The following KLF13 variants were observed in gnomAD, a reference collection of about 807,000 sequenced individuals.
KLF13 encodes the protein Krueppel-like factor 13.
In KLF13, 8 loss-of-function variants were observed where a neutral mutation model predicts 16.7. The ratio of observed to expected loss-of-function variants is 0.48; its 90% CI spans 0.28 to 0.87. KLF13 has a LOEUF of 0.87. Ranked by LOEUF, KLF13 falls within the 40% of genes least tolerant of loss-of-function variation. KLF13 has a pLI of 0.10. For synonymous variants in KLF13, 245 were observed against 208.4 expected (o/e 1.18, Z -1.51); for missense variants, 447 against 452.2 (o/e 0.99, Z 0.10).
At chr15:31,428,820 A>AGAAAAAAG (rs563630549) in intron 1 of KLF13, among the ~76,000 whole-genome samples, 2 of 72,650 alleles carry the variant, frequency 2.8e-5, no homozygotes, top group Admixed American at 2.1e-4. Context: ...AAAAAAAAAA[A>AGAAAAAAG]AAAAAGAAAA....
intron 1 of KLF13, among the ~76,000 whole-genome samples, chr15:31,385,038 C>T (rs776931520): frequency 1.9e-4 from 29 of 152,108 alleles, no homozygotes; most frequent in Admixed American, 4.6e-4. Context: ...TGGGATTGAT[C>T]CCTTCACAAG....
intron 1 of KLF13, among the ~76,000 whole-genome samples, chr15:31,410,610 CACACACACACACA>C (rs2040181547): frequency 2.0e-5 from 3 of 150,140 alleles, no homozygotes; most frequent in Non-Finnish European, 4.5e-5. Context: ...CACACACACA[CACACACACACACA>C]CACCCCTATA....
At chr15:31,370,192 C>G (rs926014936) in intron 1 of KLF13, among the ~76,000 whole-genome samples, 1 of 151,486 alleles carries the variant, frequency 6.6e-6, no homozygotes. Context: ...TTGAATCCCC[C>G]CAACACCCTT....
At position 31,327,506 on chromosome 15, in the gene KLF13, G is replaced by A. The variant is rs1337619979; in HGVS notation, c.294G>A (p.Leu98=). Reference sequence around the variant, plus strand: ...GGAAGGCGAGGACCCCCTGCCGCCTGCCGCCGCCCGCCCCCGAGCCCACCT... The same window carrying A: ...GGAAGGCGAGGACCCCCTGCCGCCTACCGCCGCCCGCCCCCGAGCCCACCT... ...AARKARTPCR[L]PPPAPEPTSP... The change falls in exon 1 of 2, where the codon CTG becomes CTA. Residue 98 remains leucine (L), a synonymous_variant. Transcript: ENST00000307145. 64 of 1,138,468 alleles carry A rather than the reference G, an allele frequency of 5.6e-5. No homozygotes were observed. The highest frequency in any genetic ancestry group is 2.9e-4 in the Admixed American group (6 of 20,430). The allele number at this position is 1,138,468 out of a possible 1,614,324, so 70.5% of individuals were successfully genotyped here. A position where few individuals can be genotyped will look rare whatever the true frequency, so the allele number is the denominator to read the frequency against.
At position 31,412,730 on chromosome 15, in the gene KLF13, A is replaced by G. The variant is rs527260226; in HGVS notation, n.117+19039A>G. Among the ~76,000 whole-genome samples the G allele has an allele frequency of 9.2e-5, 14 of 152,346 alleles. No individual in the cohort carries two copies. The East Asian group carries it at 2.1e-3, about 23-fold the overall frequency. ...TTTTGCCCGATTGGAGACGAAGGCC[A>G]TAAAACAGATAGCTTCCAATCTCTT... On this transcript the variant is annotated intron_variant and non_coding_transcript_variant, in intron 1 of 1. Coordinates refer to the KLF13 transcript ENST00000558225.
intron 1 of KLF13, among the ~76,000 whole-genome samples, chr15:31,338,112 T>C (rs1023383160): frequency 2.6e-5 from 4 of 152,232 alleles, no homozygotes; most frequent in African/African-American, 9.6e-5. Context: ...ATGGGCTGGG[T>C]AGTACACTTC....
At chr15:31,378,313 A>G (rs2039681671), downstream of KLF13, among the ~76,000 whole-genome samples, 1 of 152,144 alleles carries the variant, frequency 6.6e-6, no homozygotes, top group Non-Finnish European at 1.5e-5. Flanking sequence ...CCCTCAGCCT[A>G]GAGTCTAGAA....
intron 1 of KLF13, among the ~76,000 whole-genome samples, chr15:31,423,116 T>TAC (rs2040353080): frequency 7.7e-6 from 1 of 130,004 alleles, no homozygotes; most frequent in African/African-American, 3.6e-5. Flanking sequence ...CGTATACGTA[T>TAC]ATATACGTAT....
chr15:31,422,773 G>A (rs1022588787), intron 1 of KLF13, among the ~76,000 whole-genome samples: 9 of 152,042 alleles, frequency 5.9e-5, no homozygotes, highest in African/African-American at 2.2e-4. Flanking sequence ...AGTGGCTCAG[G>A]CCTATAATCT....
chr15:31,329,715 C>CA (rs2038793174), intron 1 of KLF13, among the ~76,000 whole-genome samples: 2 of 152,358 alleles, frequency 1.3e-5, no homozygotes, highest in East Asian at 1.9e-4. Context: ...AGCACGGGAC[C>CA]AACCCTTTGA....
chr15:31,339,310 T>A (rs2038983628), intron 1 of KLF13, among the ~76,000 whole-genome samples: 1 of 152,208 alleles, frequency 6.6e-6, no homozygotes, highest in Admixed American at 6.5e-5. Flanking sequence ...ACCTGGTTTC[T>A]ATAATTTCTT....
At chr15:31,353,662 C>A (rs984052942) in intron 1 of KLF13, among the ~76,000 whole-genome samples, 2 of 152,260 alleles carry the variant, frequency 1.3e-5, no homozygotes, top group African/African-American at 4.8e-5. Context: ...TTATCCTCCC[C>A]CCAAAGGGAG....
downstream of KLF13, among the ~76,000 whole-genome samples, chr15:31,379,265 T>C (rs2140974026): frequency 1.3e-5 from 2 of 152,306 alleles, no homozygotes; most frequent in East Asian, 3.9e-4. Context: ...CAAAGTCTTT[T>C]TGGTACTGAG....
At chr15:31,420,095 C>A (rs760852574) in intron 1 of KLF13, 2 of 382,002 alleles carry the variant, frequency 5.2e-6, no homozygotes, top group Admixed American at 7.3e-5. Context: ...ACCAACAAAA[C>A]TGTTCTTCAA....
downstream of KLF13, among the ~76,000 whole-genome samples, chr15:31,382,797 A>C (rs2039743102): frequency 6.6e-6 from 1 of 152,190 alleles, no homozygotes; most frequent in African/African-American, 2.4e-5. Context: ...CCAGGCTGCC[A>C]ATGTGTCTAG....
At chr15:31,386,561 C>A (rs145225386) in intron 1 of KLF13, among the ~76,000 whole-genome samples, 1 of 152,308 alleles carries the variant, frequency 6.6e-6, no homozygotes, top group South Asian at 2.1e-4. Flanking sequence ...CAAGATGAAG[C>A]AGCAAGTGCT....
At chr15:31,398,594 C>T (rs1001198288) in intron 2 of KLF13, among the ~76,000 whole-genome samples, 3 of 152,106 alleles carry the variant, frequency 2.0e-5, no homozygotes, top group African/African-American at 7.2e-5. Flanking sequence ...GGAGAAGCAG[C>T]GACCCCTTCC....
intron 1 of KLF13, among the ~76,000 whole-genome samples, chr15:31,410,309 A>T (rs747521920): frequency 6.6e-6 from 1 of 152,054 alleles, no homozygotes; most frequent in Non-Finnish European, 1.5e-5. Flanking sequence ...AACCCAAAAG[A>T]CTGCATTAAA....
chr15:31,376,031 G>T lies in KLF13; in HGVS notation c.*3732G>T, dbSNP rs1177403304. The T allele has an allele frequency of 2.0e-5, 3 of 152,630 alleles. No homozygotes were observed. Among genetic ancestry groups the T allele is most frequent in the African/African-American group, 7.2e-5 (3 of 41,446 alleles). 9.5% of individuals were successfully genotyped at this position (152,630 alleles called of 1,614,324 possible). On this transcript the variant is annotated 3_prime_UTR_variant, in exon 2 of 2. Transcript: ENST00000307145. ...TGAACACAGCTCAGACCAGTGAGGG[G>T]TGATTCAGAGGTGGGGATGGGCAGA...
Sources: gnomAD v4.1 joint callset for allele counts (sites outside exome capture counted in the v4.1 genomes callset) on GRCh38, gnomAD v4.1.1 for gene constraint, MANE v1.5 for transcripts, NCBI Gene and HGNC (gene_info 2026-07-23, HGNC 2026-07-21) for gene names.